Variants in FAM184A observed in about 807,000 individuals in gnomAD.
The protein encoded by FAM184A is family with sequence similarity 184 member A.
A neutral mutation model predicts 143.8 loss-of-function variants in FAM184A; 99 were observed. That is an observed-to-expected ratio of 0.69 (90% confidence interval 0.58 to 0.81). The LOEUF (loss-of-function observed/expected upper bound fraction) is 0.81, where lower values mean the gene tolerates loss of function less well. Among genes scored for constraint, FAM184A ranks in the 40% least tolerant of loss-of-function variants. FAM184A has a pLI of 0.00. For synonymous variants in FAM184A, 427 were observed against 446.4 expected, an observed-to-expected ratio of 0.96 and a Z score of 0.55; for missense variants, 1,217 against 1,310.5, an observed-to-expected ratio of 0.93 and a Z score of 1.10.
chr6:119,122,168 A>G (rs1208444674), intron 1 of FAM184A, among the ~76,000 whole-genome samples: 1 of 152,168 alleles, frequency 6.6e-6, no homozygotes, highest in African/African-American at 2.4e-5. Flanking sequence ...AGATCTTTCT[A>G]GAAGCACTAC....
At chr6:119,071,623 G>A (rs551188729) in intron 1 of FAM184A, among the ~76,000 whole-genome samples, 3 of 152,070 alleles carry the variant, frequency 2.0e-5, no homozygotes, top group Non-Finnish European at 4.4e-5. Flanking sequence ...GTAAAACATG[G>A]TTCCAACATG....
intron 6 of FAM184A, among the ~76,000 whole-genome samples, chr6:119,009,186 G>A (rs1435099026): frequency 6.6e-6 from 1 of 152,046 alleles, no homozygotes; most frequent in African/African-American, 2.4e-5. Context: ...ACAAAGTCTG[G>A]GACTCAGTAA....
rs113956048 is a variant in FAM184A, at chr6:119,046,872, T to C, written c.160-22059A>G. Among the ~76,000 whole-genome samples, 694 of 152,102 alleles carry C rather than the reference T, an allele frequency of 4.6e-3. 3 individuals carry two copies. The highest frequency in any genetic ancestry group is 0.016 in the African/African-American group (645 of 41,484). On this transcript the variant is annotated intron_variant, in intron 1 of 17. Transcript: ENST00000338891. ...TGCACCAAGGCAACCAAAGCAAAAA[T>C]GAACAAATGGGATTACATCAAGGTA...
intron 1 of FAM184A, among the ~76,000 whole-genome samples, chr6:119,068,111 A>G (rs12190491): frequency 0.044 from 6,464 of 147,154 alleles, 246 homozygotes; most frequent in East Asian, 0.2. Flanking sequence ...CAGTGGCGCA[A>G]TCTCAGCTCA....
intron 1 of FAM184A, among the ~76,000 whole-genome samples, chr6:119,108,098 C>T (rs946012912): frequency 7.2e-6 from 1 of 139,836 alleles, no homozygotes; most frequent in African/African-American, 2.8e-5. Flanking sequence ...CACATAATTC[C>T]CAAATTTGAA....
At chr6:118,968,384 C>T (rs1290836364) in intron 14 of FAM184A, among the ~76,000 whole-genome samples, 1 of 152,240 alleles carries the variant, frequency 6.6e-6, no homozygotes, top group African/African-American at 2.4e-5. Context: ...GTTGAACAAC[C>T]TTGCTGTACA....
intron 1 of FAM184A, among the ~76,000 whole-genome samples, chr6:119,134,999 TC>T (rs1235872590): frequency 2.0e-5 from 3 of 152,168 alleles, no homozygotes; most frequent in Non-Finnish European, 4.4e-5. Context: ...ATCCAGCAAT[TC>T]CCTCCTAGTA....
At chr6:119,100,542 G>A (rs779817092) in intron 1 of FAM184A, among the ~76,000 whole-genome samples, 30 of 152,074 alleles carry the variant, frequency 2.0e-4, no homozygotes, top group Non-Finnish European at 4.0e-4. Context: ...AGCGTGGGCC[G>A]GAGGGATATG....
intron 1 of FAM184A, among the ~76,000 whole-genome samples, chr6:119,099,526 G>T (rs1450654186): frequency 1.3e-5 from 2 of 152,134 alleles, no homozygotes; most frequent in Non-Finnish European, 1.5e-5. Context: ...AAGGGGTCCT[G>T]CTCCGTATCC....
At chr6:118,989,073 T>C (rs1428928781) in intron 9 of FAM184A, among the ~76,000 whole-genome samples, 1 of 150,444 alleles carries the variant, frequency 6.6e-6, no homozygotes, top group East Asian at 2.0e-4. Flanking sequence ...GTCATTCTCC[T>C]GCCTCAGCCT....
chr6:119,124,667 T>A (rs1369950259), intron 1 of FAM184A, among the ~76,000 whole-genome samples: 1 of 152,146 alleles, frequency 6.6e-6, no homozygotes, highest in Admixed American at 6.5e-5. Context: ...GAGGTCTTTT[T>A]TTCCATCTGG....
intron 16 of FAM184A, chr6:118,963,605 TGAAAG>T (rs1025496068): frequency 2.0e-5 from 3 of 152,080 alleles, no homozygotes; most frequent in Non-Finnish European, 4.4e-5. Context: ...TTACGAGCTG[TGAAAG>T]GAAAGGAAAA....
At chr6:119,108,524 G>T (rs1030319586) in intron 1 of FAM184A, among the ~76,000 whole-genome samples, 4 of 152,056 alleles carry the variant, frequency 2.6e-5, no homozygotes, top group Admixed American at 1.3e-4. Flanking sequence ...GTGTACTGGG[G>T]TTGTCACTCT....
At chr6:119,050,811 CA>C (rs1239635141) in intron 1 of FAM184A, among the ~76,000 whole-genome samples, 1,933 of 74,930 alleles carry the variant, frequency 0.026, 18 homozygotes, top group African/African-American at 0.065. Flanking sequence ...GACTCCGTCT[CA>C]AAAAAAAAAA....
At chr6:119,105,029 G>A (rs116343073) in intron 1 of FAM184A, among the ~76,000 whole-genome samples, 81 of 152,206 alleles carry the variant, frequency 5.3e-4, no homozygotes, top group African/African-American at 1.9e-3. Flanking sequence ...CAAAACTGTT[G>A]AGGCCATCAA....
At chr6:119,102,813 G>GA (rs925775680) in intron 1 of FAM184A, among the ~76,000 whole-genome samples, 6 of 116,216 alleles carry the variant, frequency 5.2e-5, no homozygotes, top group Non-Finnish European at 9.1e-5. Flanking sequence ...AAAAAGAAAA[G>GA]AAAAAAGAAA....
In FAM184A at chr6:119,024,559, G is replaced by A; in HGVS notation, c.414C>T (p.Asp138=). 2 of 1,614,126 alleles carry A rather than the reference G, an allele frequency of 1.2e-6. No homozygotes were observed. ...EFEAYKHRVE[D]MQLCAEAQHV... ...GCTGGGCTTCTGCACAAAGTTGCATGTCCTCAACTCTGTGCTTATAAGCTT... is the reference window on the plus strand; with the variant it reads ...GCTGGGCTTCTGCACAAAGTTGCATATCCTCAACTCTGTGCTTATAAGCTT... Residue 138 remains aspartate (D), a synonymous_variant, in exon 2 of 18, where the codon GAC becomes GAT. Transcript: ENST00000338891.
At chr6:119,028,869 C>T (rs1785764697) in intron 1 of FAM184A, among the ~76,000 whole-genome samples, 1 of 152,146 alleles carries the variant, frequency 6.6e-6, no homozygotes, top group Non-Finnish European at 1.5e-5. Flanking sequence ...ATGCTATCTT[C>T]AGGCAGATAG....
At chr6:119,144,756 T>C (rs1482786091) in intron 1 of FAM184A, among the ~76,000 whole-genome samples, 1 of 152,198 alleles carries the variant, frequency 6.6e-6, no homozygotes, top group African/African-American at 2.4e-5. Context: ...GGCTAAGAAA[T>C]GGGAGACAGT....
Sources: allele counts gnomAD v4.1 joint callset (sites outside exome capture counted in the v4.1 genomes callset), GRCh38; gene constraint gnomAD v4.1.1; transcripts MANE v1.5; gene names NCBI Gene and HGNC (gene_info 2026-07-23, HGNC 2026-07-21).